The following GPR6 variants were observed in gnomAD, a reference collection of about 807,000 sequenced individuals.
The protein encoded by GPR6 is sphingosine 1-phosphate receptor GPR6.
Under a neutral mutation model 18.5 loss-of-function variants are expected in GPR6, and 14 were observed. That is an observed-to-expected ratio of 0.76 (90% confidence interval 0.50 to 1.18). The LOEUF is 1.18. Ranked by LOEUF, GPR6 falls within the 50% of genes most tolerant of loss-of-function variation. The probability of loss-of-function intolerance (pLI) is 0.00; values close to 1 mark genes in which losing one functional copy is unlikely to be tolerated. For missense variants in GPR6, 477 were observed against 495.9 expected (o/e 0.96, Z 0.36); for synonymous variants, 299 against 240.9 (o/e 1.24, Z -2.23).
intron 1 of GPR6, 101 bp from the exon 2 acceptor site, chr6:109,978,994 G>A: frequency 6.5e-7 from 1 of 1,540,164 alleles, no homozygotes; most frequent in South Asian, 1.2e-5. Flanking sequence ...GGGTGGGGTG[G>A]GCAACTCAAG....
Position 109,979,778 on chromosome 6 carries a change from G to T in GPR6, c.666G>T (p.Leu222=), listed in dbSNP as rs1207695743. Residue 222 remains leucine, a synonymous_variant, in exon 2 of 2, where the codon CTG becomes CTT. Coordinates refer to ENST00000275169, the MANE Select transcript of GPR6 (RefSeq NM_005284.5). ...CCGCCTGCAGCGTGGTGCGCCCGCT[G>T]GCGCGCAGCCACGTGGCTCTGCTCT... ...ERAACSVVRP[L]ARSHVALLSA... is the part of the protein sequence containing the mutation. 1.9e-6 allele frequency: 3 copies of T among 1,598,666 alleles called. No individual in the cohort carries two copies. Among genetic ancestry groups the T allele is most frequent in the African/African-American group, 2.7e-5 (2 of 74,758 alleles).
At position 109,980,250 on chromosome 6, in the gene GPR6, C is replaced by A. The variant is rs778192890; in HGVS notation, c.*49C>A. The A allele has an allele frequency of 2.5e-6, 4 of 1,609,486 alleles. No homozygotes were observed. The highest frequency in any genetic ancestry group is 3.4e-6 in the Non-Finnish European group (4 of 1,178,462). The stretch of plus-strand genomic sequence containing the variant: ...CCAACACCACACCCCAACAAGCCAG[C>A]CTTTGGTAAGCTCGGTGCCTGCTGA... On this transcript the variant is annotated 3_prime_UTR_variant, in exon 2 of 2. Coordinates refer to ENST00000275169, the MANE Select transcript of GPR6 (RefSeq NM_005284.5).
In GPR6 at chr6:109,979,454, G is replaced by A. The variant is rs1342375896; in HGVS notation, c.342G>A (p.Leu114=). 1.2e-6 allele frequency: 2 copies of A among 1,613,248 alleles called. No homozygotes were observed. Among genetic ancestry groups the A allele is most frequent in the Non-Finnish European group, 8.5e-7 (1 of 1,179,978 alleles). ...RTPMFVLVGS[L]ATADLLAGCG... ...CCATGTTCGTGCTGGTAGGCAGCCT[G>A]GCCACCGCTGACCTGTTGGCGGGCT... The change falls in exon 2 of 2, where the codon CTG becomes CTA. Residue 114 remains leucine (L), a synonymous_variant. Coordinates refer to ENST00000275169, the MANE Select transcript of GPR6 (RefSeq NM_005284.5).
chr6:109,979,781 G>A lies in GPR6; in HGVS notation c.669G>A (p.Ala223=). 1 of 1,598,376 alleles carries A rather than the reference G, an allele frequency of 6.3e-7. No homozygotes were observed. Among genetic ancestry groups the A allele is most frequent in the African/African-American group, 1.3e-5 (1 of 74,876 alleles). The stretch of plus-strand genomic sequence containing the variant: ...CCTGCAGCGTGGTGCGCCCGCTGGC[G>A]CGCAGCCACGTGGCTCTGCTCTCCG... ...RAACSVVRPL[A]RSHVALLSAA... is the part of the protein sequence containing the mutation. The change falls in exon 2 of 2, where the codon GCG becomes GCA. Residue 223 remains alanine, a synonymous_variant. Transcript: ENST00000275169.
At chr6:109,978,678 G>A (rs148167667) in intron 1 of GPR6, 2 of 1,485,982 alleles carry the variant, frequency 1.3e-6, no homozygotes, top group East Asian at 4.9e-5. Context: ...CGCAATGCCA[G>A]AAACTTCGCT....
chr6:109,978,981 C>T, intron 1 of GPR6, 114 bp from the exon 2 acceptor site: 7 of 1,537,152 alleles, frequency 4.6e-6, no homozygotes, highest in Non-Finnish European at 6.1e-6. Context: ...CTCTGGGGTC[C>T]CAGGGTGGGG....
At position 109,978,936 on chromosome 6, in the gene GPR6, T is replaced by C. The variant is rs1771005574; in HGVS notation, c.-18-159T>C. On this transcript the variant is annotated intron_variant, in intron 1 of 1. Transcript: ENST00000275169. ...CTCACTCACTCAACAGGTATTTATTTTGGGTTCGCACTTAACCCATGATTC... is the reference window on the plus strand; with the variant it reads ...CTCACTCACTCAACAGGTATTTATTCTGGGTTCGCACTTAACCCATGATTC... The C allele has an allele frequency of 2.0e-6, 3 of 1,530,908 alleles. No homozygotes were observed. The East Asian group carries it at 7.0e-5, about 36-fold the overall frequency. The allele number at this position is 1,530,908 out of a possible 1,614,324, so 94.8% of individuals were successfully genotyped here. A position where few individuals can be genotyped will look rare whatever the true frequency, so the allele number is the denominator to read the frequency against.
At chr6:109,978,510 AG>A in intron 1 of GPR6, 43 bp downstream of exon 1, 1 of 479,546 alleles carries the variant, frequency 2.1e-6, no homozygotes, top group Non-Finnish European at 3.7e-6. Context: ...ATGTGGGGAG[AG>A]GAGGGGAGAA....
chr6:109,979,786 G>A lies in GPR6; in HGVS notation c.674G>A (p.Ser225Asn). The change falls in exon 2 of 2, where the codon AGC becomes AAC. Residue 225 changes from serine to asparagine, a missense_variant. Coordinates refer to ENST00000275169, the MANE Select transcript of GPR6 (RefSeq NM_005284.5). ...AGCGTGGTGCGCCCGCTGGCGCGCA[G>A]CCACGTGGCTCTGCTCTCCGCCGCC... ...ACSVVRPLAR[S>N]HVALLSAAFF... 1.3e-6 allele frequency: 2 copies of A among 1,599,180 alleles called. No homozygotes were observed. The highest frequency in any genetic ancestry group is 1.7e-6 in the Non-Finnish European group (2 of 1,177,064).
chr6:109,979,664 C>T lies in GPR6; in HGVS notation c.552C>T (p.Gly184=), dbSNP rs749724115. 3 of 1,611,470 alleles carry T rather than the reference C, an allele frequency of 1.9e-6. No individual in the cohort carries two copies. Among genetic ancestry groups the T allele is most frequent in the South Asian group, 2.2e-5 (2 of 91,082 alleles). The change falls in exon 2 of 2, where the codon GGC becomes GGT. Residue 184 remains glycine (G), a synonymous_variant. Transcript: ENST00000275169. ...ATTACTCGCGCCGGACCCTGTTGGG[C>T]GTGCACCTCCTGCTTGCCGCCACTT... is the stretch of plus-strand genomic sequence containing the variant. The part of the protein sequence containing the change: ...LTYYSRRTLL[G]VHLLLAATWT...
In GPR6 at chr6:109,979,148, G is replaced by A. The variant is rs1771016585; in HGVS notation, c.36G>A (p.Gln12=). Residue 12 remains glutamine, a synonymous_variant, in exon 2 of 2, where the codon CAG becomes CAA. Transcript: ENST00000275169. ...GCGCCGCCTCGCTCAACGACTCCCA[G>A]GTGGTGGTAGTGGCGGCCGAAGGAG... ...NASAASLNDS[Q]VVVVAAEGAA... is the part of the protein sequence containing the mutation. 7 of 1,602,356 alleles carry A rather than the reference G, an allele frequency of 4.4e-6. No individual in the cohort carries two copies. The highest frequency in any genetic ancestry group is 5.9e-6 in the Non-Finnish European group (7 of 1,178,270).
In GPR6 at chr6:109,979,218, T is replaced by G. The variant is rs1562129622; in HGVS notation, c.106T>G (p.Trp36Gly). 6.3e-7 allele frequency: 1 copy of G among 1,595,210 alleles called. No homozygotes were observed. Among genetic ancestry groups the G allele is most frequent in the Admixed American group, 1.7e-5 (1 of 57,670 alleles). Reference sequence around the variant, plus strand: ...AGCAGGGGGGCCGGACACGGGCGAATGGGGACCCCCTGCTGCGGCGGCTCT... The same window carrying G: ...AGCAGGGGGGCCGGACACGGGCGAAGGGGGACCCCCTGCTGCGGCGGCTCT... Reference protein sequence around the residue: ...TAAGGPDTGEWGPPAAAALGA... With the variant: ...TAAGGPDTGEGGPPAAAALGA... The change falls in exon 2 of 2, where the codon TGG becomes GGG. Residue 36 changes from tryptophan (W) to glycine (G), a missense_variant. Trp to Gly is a radical substitution (Grantham distance 184, BLOSUM62 -2). Coordinates refer to ENST00000275169, the MANE Select transcript of GPR6 (RefSeq NM_005284.5).
chr6:109,979,537 T>C lies in GPR6; in HGVS notation c.425T>C (p.Leu142Pro). 1 of 1,613,136 alleles carries C rather than the reference T, an allele frequency of 6.2e-7. No homozygotes were observed. ...TTGGTGCCCTCGGAGACTGTGAGTC[T>C]GCTCACGGTGGGCTTCCTCGTGGCC... is the stretch of plus-strand genomic sequence containing the variant. ...QYLVPSETVS[L>P]LTVGFLVASF... Residue 142 changes from leucine to proline, a missense_variant, in exon 2 of 2, where the codon CTG (leucine) becomes CCG (proline). Leu to Pro is a moderately conservative substitution (Grantham distance 98). Coordinates refer to ENST00000275169, the MANE Select transcript of GPR6 (RefSeq NM_005284.5).
rs1364024379 is a variant in GPR6 at position 109,979,438 on chromosome 6, T to C, written c.326T>C (p.Val109Ala). The part of the protein sequence containing the change: ...STPALRTPMF[V>A]LVGSLATADL... ...CCGGCGCTGCGCACGCCCATGTTCG[T>C]GCTGGTAGGCAGCCTGGCCACCGCT... is the stretch of plus-strand genomic sequence containing the variant. The change falls in exon 2 of 2, where the codon GTG becomes GCG. Residue 109 changes from valine to alanine, a missense_variant. Physicochemically the swap from Val to Ala is moderately conservative, Grantham distance 64 (BLOSUM62 0). Coordinates refer to ENST00000275169, the MANE Select transcript of GPR6 (RefSeq NM_005284.5). 2 of 1,613,444 alleles carry C rather than the reference T, an allele frequency of 1.2e-6. No homozygotes were observed. Among genetic ancestry groups the C allele is most frequent in the Admixed American group, 1.7e-5 (1 of 60,032 alleles).
Position 109,979,152 on chromosome 6 carries a change from G to A in GPR6, c.40G>A (p.Val14Met), listed in dbSNP as rs1187581242. The change falls in exon 2 of 2, where the codon GTG becomes ATG. Residue 14 changes from valine (V) to methionine (M), a missense_variant. By Grantham distance (21) the Val-to-Met change is conservative. Transcript: ENST00000275169. ...SAASLNDSQVVVVAAEGAAAA... is the reference protein window; with the variant it reads ...SAASLNDSQVMVVAAEGAAAA... The stretch of plus-strand genomic sequence containing the variant: ...CGCCTCGCTCAACGACTCCCAGGTG[G>A]TGGTAGTGGCGGCCGAAGGAGCGGC... 1 of 1,601,902 alleles carries A rather than the reference G, an allele frequency of 6.2e-7. No individual in the cohort carries two copies. The highest frequency in any genetic ancestry group is 2.2e-5 in the East Asian group (1 of 44,776).
In GPR6 at chr6:109,978,415, C is replaced by A. The variant is rs557177159; in HGVS notation, c.-71C>A. ...TGTTTGCGCGGGGAGCTCAGCCCGG[C>A]GCCCCGCCTCGGCGCCCATGACCAG... On this transcript the variant is annotated 5_prime_UTR_variant, in exon 1 of 2. Transcript: ENST00000275169. The A allele has an allele frequency of 1.1e-4, 27 of 254,814 alleles. No individual in the cohort carries two copies. The East Asian group carries it at 2.0e-3, about 18-fold the overall frequency. The allele number at this position is 254,814 out of a possible 1,614,324, so 15.8% of individuals were successfully genotyped here. A position where few individuals can be genotyped will look rare whatever the true frequency, so the allele number is the denominator to read the frequency against.
chr6:109,980,211 C>T lies in GPR6; in HGVS notation c.*10C>T. On this transcript the variant is annotated 3_prime_UTR_variant, in exon 2 of 2. Coordinates refer to ENST00000275169, the MANE Select transcript of GPR6 (RefSeq NM_005284.5). ...TCCCAGCGAGGTCTGAAGGGCTCGCCCCGTGTCCTCTCACCAACACCACAC... is the reference window on the plus strand; with the variant it reads ...TCCCAGCGAGGTCTGAAGGGCTCGCTCCGTGTCCTCTCACCAACACCACAC... 6.2e-7 allele frequency: 1 copy of T among 1,614,142 alleles called. No homozygotes were observed. Among genetic ancestry groups the T allele is most frequent in the East Asian group, 2.2e-5 (1 of 44,880 alleles).
At chr6:109,978,618 T>G in intron 1 of GPR6, 151 bp downstream of exon 1, 1 of 824,444 alleles carries the variant, frequency 1.2e-6, no homozygotes, top group South Asian at 1.7e-5. Flanking sequence ...TAGTCTCTCC[T>G]CCCAGACCCC....
Position 109,979,695 on chromosome 6 carries a change from G to T in GPR6, c.583G>T (p.Val195Leu). ...CCTCCTGCTTGCCGCCACTTGGACC[G>T]TGTCCCTAGGCCTGGGGCTGCTGCC... is the stretch of plus-strand genomic sequence containing the variant. ...VHLLLAATWT[V>L]SLGLGLLPVL... The change falls in exon 2 of 2, where the codon GTG becomes TTG. Residue 195 changes from valine (V) to leucine (L), a missense_variant. Transcript: ENST00000275169. The T allele has an allele frequency of 1.2e-6, 2 of 1,609,218 alleles. No homozygotes were observed. Among genetic ancestry groups the T allele is most frequent in the African/African-American group, 1.3e-5 (1 of 75,066 alleles).
Sources: allele counts gnomAD v4.1 joint callset, GRCh38; gene constraint gnomAD v4.1.1; transcripts MANE v1.5; gene names NCBI Gene and HGNC (gene_info 2026-07-23, HGNC 2026-07-21).